FBN2: variants seen among roughly 807,000 people sequenced by gnomAD.
FBN2 encodes the protein fibrillin-2.
Under a neutral mutation model 355.6 loss-of-function variants are expected in FBN2, and 105 were observed. The ratio of observed to expected loss-of-function variants is 0.30; its 90% CI spans 0.25 to 0.35. The LOEUF (loss-of-function observed/expected upper bound fraction) is 0.35, where lower values mean the gene tolerates loss of function less well. Ranked by LOEUF, FBN2 falls within the 10% of genes least tolerant of loss-of-function variation. FBN2 has a pLI of 1.00. For synonymous variants in FBN2, 1,350 were observed against 1,301.2 expected (o/e 1.04, Z -0.81); for missense variants, 3,280 against 3,758.7 (o/e 0.87, Z 3.33).
chr5:128,278,779 T>C lies in FBN2; in HGVS notation c.7201A>G (p.Ser2401Gly), dbSNP rs777558947. Residue 2401 changes from serine to glycine, a missense_variant, in exon 57 of 65, where the codon AGT (serine) becomes GGT (glycine). By Grantham distance (56) the Ser-to-Gly change is moderately conservative. Transcript: ENST00000262464. ...TCTGACTTAGTGACGAGATTGCGAC[T>C]ACTGGATGCCATTTGACATATTGTC... The part of the protein sequence containing the change: ...LQTICQMASS[S>G]RNLVTKSECC... 12 of 1,614,026 alleles carry C rather than the reference T, an allele frequency of 7.4e-6. No homozygotes were observed. Among genetic ancestry groups the C allele is most frequent in the Admixed American group, 1.7e-5 (1 of 59,996 alleles).
chr5:128,297,865 T>C lies in FBN2; in HGVS notation c.6166+2952A>G, dbSNP rs1017094471. Among the ~76,000 whole-genome samples, 4 of 152,146 alleles carry C rather than the reference T, an allele frequency of 2.6e-5. No homozygotes were observed. The East Asian group carries it at 5.8e-4, about 22-fold the overall frequency. ...AAAGTTAATATTGTTATGTGTGAAT[T>C]TGATCCTGTCATTATGACGTTAGCT... On this transcript the variant is annotated intron_variant, in intron 48 of 64. Transcript: ENST00000262464.
chr5:128,299,760 G>A (rs1469743108), intron 48 of FBN2, among the ~76,000 whole-genome samples: 1 of 152,122 alleles, frequency 6.6e-6, no homozygotes, highest in Non-Finnish European at 1.5e-5. Context: ...ACCTCAGATG[G>A]AAATGCAGAA....
chr5:128,373,354 T>C (rs906409492), intron 15 of FBN2, among the ~76,000 whole-genome samples: 2 of 152,242 alleles, frequency 1.3e-5, no homozygotes, highest in Non-Finnish European at 2.9e-5. Flanking sequence ...TTCTAGCTGC[T>C]GTATTTGAAA....
intron 28 of FBN2, 77 bp downstream of exon 28, chr5:128,335,911 A>G: frequency 6.7e-7 from 1 of 1,483,092 alleles, no homozygotes; most frequent in Non-Finnish European, 9.3e-7. Flanking sequence ...CATAGCCTTC[A>G]TTATAATTCA....
intron 17 of FBN2, 114 bp downstream of exon 17, chr5:128,366,260 CTTA>C (rs1023729316): frequency 1.3e-5 from 7 of 526,850 alleles, no homozygotes; most frequent in African/African-American, 4.0e-5. Flanking sequence ...GATAATTAAT[CTTA>C]TTATTTTATA....
intron 7 of FBN2, among the ~76,000 whole-genome samples, chr5:128,444,140 T>A (rs1156318500): frequency 7.1e-6 from 1 of 140,618 alleles, no homozygotes; most frequent in Non-Finnish European, 1.5e-5. Flanking sequence ...TGGCGCGATC[T>A]CGGCTCACTG....
At chr5:128,279,871 T>C (rs902066238) in intron 56 of FBN2, among the ~76,000 whole-genome samples, 7 of 152,194 alleles carry the variant, frequency 4.6e-5, no homozygotes, top group African/African-American at 1.7e-4. Flanking sequence ...TTACCTCATA[T>C]TGCAAATATT....
chr5:128,477,781 C>G (rs1303888390), intron 5 of FBN2, among the ~76,000 whole-genome samples: 1 of 152,220 alleles, frequency 6.6e-6, no homozygotes, highest in Non-Finnish European at 1.5e-5. Context: ...TCTGCCATCT[C>G]TCAGTGGCAC....
chr5:128,378,893 G>A lies in FBN2; in HGVS notation c.1604-3C>T, dbSNP rs1317867680. The A allele has an allele frequency of 6.2e-7, 1 of 1,612,940 alleles. No homozygotes were observed. Among genetic ancestry groups the A allele is most frequent in the East Asian group, 2.2e-5 (1 of 44,824 alleles). On this transcript the variant is annotated splice_region_variant and splice_polypyrimidine_tract_variant and intron_variant, in intron 11 of 64. Coordinates refer to ENST00000262464, the MANE Select transcript of FBN2 (RefSeq NM_001999.4). Reference sequence around the variant, plus strand: ...ATTTGATGTGCATTCATCAACATCTGTGAGCAGCAAAAGAAACCATTATAG... The same window carrying A: ...ATTTGATGTGCATTCATCAACATCTATGAGCAGCAAAAGAAACCATTATAG...
intron 51 of FBN2, among the ~76,000 whole-genome samples, 155 bp downstream of exon 51, chr5:128,289,727 T>C (rs1413993644): frequency 6.6e-6 from 1 of 152,202 alleles, no homozygotes; most frequent in East Asian, 1.9e-4. Flanking sequence ...ATGATATATG[T>C]ATAATGTATA....
intron 62 of FBN2, among the ~76,000 whole-genome samples, chr5:128,270,496 T>G (rs576459297): frequency 1.3e-5 from 2 of 152,248 alleles, no homozygotes; most frequent in African/African-American, 4.8e-5. Context: ...GCCACTGCAC[T>G]TCAGCCTGGG....
chr5:128,318,157 C>G lies in FBN2; in HGVS notation c.4709G>C (p.Gly1570Ala), dbSNP rs1170930303. ...PDFQLNPTGV[G>A]CVDNRVGNCY... ...CATATAGCTTTACTTACCAACACAA[C>G]CCACACCAGTTGGGTTCAACTGAAA... Residue 1570 changes from glycine to alanine, a missense_variant, in exon 36 of 65, where the codon GGT (glycine) becomes GCT (alanine). Physicochemically the swap from Gly to Ala is moderately conservative, Grantham distance 60. This residue lies in a region of FBN2 where 2,284 missense variants were observed against 2,749.5 expected (regional missense o/e 0.83). Transcript: ENST00000262464. The G allele has an allele frequency of 3.1e-6, 5 of 1,614,134 alleles. No individual in the cohort carries two copies. The highest frequency in any genetic ancestry group is 3.4e-6 in the Non-Finnish European group (4 of 1,179,978).
At chr5:128,403,664 A>G (rs1439746864) in intron 8 of FBN2, among the ~76,000 whole-genome samples, 1 of 152,178 alleles carries the variant, frequency 6.6e-6, no homozygotes. Context: ...TGCTATTTAA[A>G]ACGCTTTTTA....
chr5:128,361,902 G>A (rs1751649361), intron 18 of FBN2, 54 bp from the exon 19 acceptor site: 2 of 1,548,226 alleles, frequency 1.3e-6, no homozygotes, highest in Non-Finnish European at 1.8e-6. Context: ...ATCTATTACA[G>A]TGGGCAGCAA....
At chr5:128,501,645 A>G (rs1053470878) in intron 5 of FBN2, among the ~76,000 whole-genome samples, 3 of 152,192 alleles carry the variant, frequency 2.0e-5, no homozygotes, top group Non-Finnish European at 4.4e-5. Context: ...ATAAATATAT[A>G]AGGAAATGAA....
chr5:128,461,895 C>A (rs1291535904), intron 6 of FBN2, among the ~76,000 whole-genome samples: 1 of 151,948 alleles, frequency 6.6e-6, no homozygotes, highest in Non-Finnish European at 1.5e-5. Context: ...ATAGGTGCGG[C>A]AAACCACCAT....
intron 7 of FBN2, among the ~76,000 whole-genome samples, chr5:128,433,100 T>C (rs1270723451): frequency 6.6e-6 from 1 of 152,100 alleles, no homozygotes; most frequent in Non-Finnish European, 1.5e-5. Flanking sequence ...TTAAAATTCA[T>C]GATGAGATTT....
At chr5:128,439,362 TGA>T (rs1057305413) in intron 7 of FBN2, among the ~76,000 whole-genome samples, 11 of 152,202 alleles carry the variant, frequency 7.2e-5, no homozygotes, top group African/African-American at 2.7e-4. Context: ...CAGGAATTTG[TGA>T]GAGTGTCTAT....
intron 15 of FBN2, among the ~76,000 whole-genome samples, chr5:128,370,929 C>T (rs1180357266): frequency 3.9e-5 from 6 of 152,088 alleles, no homozygotes; most frequent in Non-Finnish European, 8.8e-5. Flanking sequence ...CAGATCCCCA[C>T]AAGATGATCT....
Sources: allele counts gnomAD v4.1 joint callset (sites outside exome capture counted in the v4.1 genomes callset), GRCh38; gene constraint gnomAD v4.1.1; regional missense constraint gnomAD v4.1.1; transcripts MANE v1.5; gene names NCBI Gene and HGNC (gene_info 2026-07-23, HGNC 2026-07-21).